LY6G5C: variants seen among roughly 807,000 people sequenced by gnomAD.
LY6G5C encodes the protein lymphocyte antigen 6 family member G5C.
Under a neutral mutation model 10.5 loss-of-function variants are expected in LY6G5C, and 6 were observed. The ratio of observed to expected loss-of-function variants is 0.57; its 90% CI spans 0.31 to 1.12. LY6G5C has a LOEUF of 1.12. Ranked by LOEUF, LY6G5C falls within the 50% of genes most tolerant of loss-of-function variation. The probability of loss-of-function intolerance (pLI) is 0.05; values close to 1 mark genes in which losing one functional copy is unlikely to be tolerated. For synonymous variants in LY6G5C, 69 were observed against 67.8 expected, an observed-to-expected ratio of 1.02 and a Z score of -0.09; for missense variants, 160 against 185.5, an observed-to-expected ratio of 0.86 and a Z score of 0.80.
chr6:31,678,262 G>A (rs1346957221), intron 2 of LY6G5C, among the ~76,000 whole-genome samples: 3 of 152,182 alleles, frequency 2.0e-5, no homozygotes, highest in Non-Finnish European at 2.9e-5. Context: ...AATTTTCAGC[G>A]AGGGAGATGT....
chr6:31,680,360 G>GC lies in LY6G5C; in HGVS notation c.13dup (p.Ala5GlyfsTer38). The stretch of plus-strand genomic sequence containing the variant: ...CAGACTCTGGCTCCCTGCAGGGCCT[G>GC]CCATAAAACGCATGACTGCCTGCTG... On this transcript the variant is annotated frameshift_variant, in exon 1 of 3. Transcript: ENST00000383237. LOFTEE classifies it high-confidence loss of function. This position sits in a 1 kb window ranked among gnomAD's most constrained non-coding sequence, Gnocchi z 4.5. 1.2e-6 allele frequency: 2 copies of GC among 1,609,078 alleles called. No homozygotes were observed. The highest frequency in any genetic ancestry group is 1.7e-6 in the Non-Finnish European group (2 of 1,178,572).
chr6:31,677,194 C>A, intron 2 of LY6G5C, 74 bp from the exon 3 acceptor site: 1 of 1,395,606 alleles, frequency 7.2e-7, no homozygotes, highest in Non-Finnish European at 9.8e-7. Flanking sequence ...TCCCCACACT[C>A]ATAAGTCAAA....
chr6:31,677,096 C>T (rs1392195261), exon 3 of LY6G5C: 4 of 1,612,894 alleles, frequency 2.5e-6, no homozygotes, highest in East Asian at 2.2e-5. Context: ...TCGGCAGTCA[C>T]TCACCATGAC....
At chr6:31,678,556 C>T (rs1404549786) in intron 2 of LY6G5C, among the ~76,000 whole-genome samples, 2 of 152,174 alleles carry the variant, frequency 1.3e-5, no homozygotes, top group Non-Finnish European at 2.9e-5. Flanking sequence ...AGCTTGAGGA[C>T]AGGCAAGGGC....
chr6:31,680,756 C>T (rs1802844091), upstream of LY6G5C, among the ~76,000 whole-genome samples: 1 of 152,136 alleles, frequency 6.6e-6, no homozygotes, highest in African/African-American at 2.4e-5. The surrounding 1 kb of genome is among the most constrained non-coding windows in gnomAD (Gnocchi z 4.5). Flanking sequence ...AACCACTGAC[C>T]AGAGGGATTT....
At chr6:31,678,433 T>C (rs1213778973) in intron 2 of LY6G5C, among the ~76,000 whole-genome samples, 1 of 152,110 alleles carries the variant, frequency 6.6e-6, no homozygotes, top group Non-Finnish European at 1.5e-5. Flanking sequence ...TTGGTGAACA[T>C]GAACCACTAA....
intron 2 of LY6G5C, among the ~76,000 whole-genome samples, chr6:31,677,950 C>T (rs1802673727): frequency 6.6e-6 from 1 of 152,132 alleles, no homozygotes; most frequent in South Asian, 2.1e-4. Context: ...TGACCCACAT[C>T]TGTGCATCGG....
chr6:31,678,693 G>A (rs1008068395), intron 2 of LY6G5C, among the ~76,000 whole-genome samples: 3 of 152,150 alleles, frequency 2.0e-5, no homozygotes, highest in African/African-American at 7.2e-5. Flanking sequence ...GAAAAGGGAA[G>A]AGAGGCTGGG....
At position 31,680,103 on chromosome 6, in the gene LY6G5C, A is replaced by C. The variant is rs188666442; in HGVS notation, c.121+150T>G. On this transcript the variant is annotated intron_variant, in intron 1 of 2. Coordinates refer to ENST00000383237, the Ensembl canonical transcript of LY6G5C. This position sits in a 1 kb window ranked among gnomAD's most constrained non-coding sequence, Gnocchi z 4.5. ...TCTTCAGATTGCACATCAGTCCATGAGCAGGCATTCCCTACCAAACCCATC... is the reference window on the plus strand; with the variant it reads ...TCTTCAGATTGCACATCAGTCCATGCGCAGGCATTCCCTACCAAACCCATC... 21 of 797,514 alleles carry C rather than the reference A, an allele frequency of 2.6e-5. No individual in the cohort carries two copies. The African/African-American group carries it at 3.6e-4, about 14-fold the overall frequency. 49.4% of individuals were successfully genotyped at this position (797,514 alleles called of 1,614,324 possible).
rs1381479193 is a variant in LY6G5C, at chr6:31,679,428, A to G, written c.122-160T>C. 13 of 724,106 alleles carry G rather than the reference A, an allele frequency of 1.8e-5. No homozygotes were observed. The Admixed American group carries it at 2.9e-4, about 16-fold the overall frequency. 44.9% of individuals were successfully genotyped at this position (724,106 alleles called of 1,614,324 possible). ...TGCTTCCTTCCCCAACTGCATACACATACATCCCCCTTTTCCTCTGGTCCT... is the reference window on the plus strand; with the variant it reads ...TGCTTCCTTCCCCAACTGCATACACGTACATCCCCCTTTTCCTCTGGTCCT... On this transcript the variant is annotated intron_variant, in intron 1 of 2. Coordinates refer to ENST00000383237, the Ensembl canonical transcript of LY6G5C. This position sits in a 1 kb window ranked among gnomAD's most constrained non-coding sequence, Gnocchi z 4.4.
At position 31,679,984 on chromosome 6, in the gene LY6G5C, T is replaced by G; in HGVS notation, c.121+269A>C. 1 of 313,100 alleles carries G rather than the reference T, an allele frequency of 3.2e-6. No homozygotes were observed. Among genetic ancestry groups the G allele is most frequent in the East Asian group, 6.7e-5 (1 of 14,900 alleles). The allele number at this position is 313,100 out of a possible 1,614,324, so 19.4% of individuals were successfully genotyped here. ...ATCGCTTGAACCCGGGAGGTGGAGG[T>G]TGCAGTGAGCCGAGATCTCGCCACT... On this transcript the variant is annotated intron_variant, in intron 1 of 2. Transcript: ENST00000383237. The surrounding 1 kb of genome is among the most constrained non-coding windows in gnomAD (Gnocchi z 4.4).
chr6:31,677,126 G>A lies in LY6G5C; in HGVS notation c.290-6C>T. The A allele has an allele frequency of 6.2e-7, 1 of 1,612,138 alleles. No homozygotes were observed. The highest frequency in any genetic ancestry group is 1.3e-5 in the African/African-American group (1 of 74,990). Reference sequence around the variant, plus strand: ...CATGACGTCAGAACCGCTGCCTGGGGAGGGACAGTGGGCACCAGTGATACG... The same window carrying A: ...CATGACGTCAGAACCGCTGCCTGGGAAGGGACAGTGGGCACCAGTGATACG... On this transcript the variant is annotated splice_polypyrimidine_tract_variant and splice_region_variant and intron_variant, in intron 2 of 2. Transcript: ENST00000383237.
At position 31,677,077 on chromosome 6, in the gene LY6G5C, C is replaced by CT; in HGVS notation, c.332dup (p.Gln112AlafsTer4). 2 of 1,613,006 alleles carry CT rather than the reference C, an allele frequency of 1.2e-6. No homozygotes were observed. The highest frequency in any genetic ancestry group is 1.7e-6 in the Non-Finnish European group (2 of 1,180,036). On this transcript the variant is annotated frameshift_variant, in exon 3 of 3. Transcript: ENST00000383237. LOFTEE classifies it low-confidence loss of function (END_TRUNC). ...GGGTATTTGAACAATCACTCATCTG[C>CT]TCCTTACTTCGGCAGTCACTCACCA...
chr6:31,676,841 G>C, exon 3 of LY6G5C: 1 of 983,854 alleles, frequency 1.0e-6, no homozygotes, highest in Non-Finnish European at 1.6e-6. Context: ...CCAGTGGCTG[G>C]AGGGAGGCAA....
At chr6:31,678,936 C>T (rs989412619) in intron 2 of LY6G5C, among the ~76,000 whole-genome samples, 165 bp downstream of exon 2, 14 of 151,148 alleles carry the variant, frequency 9.3e-5, no homozygotes, top group Admixed American at 2.6e-4. Flanking sequence ...GCCAAGATTG[C>T]GCCACTGCAC....
rs748406046 is a variant in LY6G5C, at chr6:31,679,240, G to A, written c.150C>T (p.Pro50=). ...ATTTGGGGAATGGAAGTGGTTGAGGGGGTTCCCAATTGACAGGAACAAACT... is the reference window on the plus strand; with the variant it reads ...ATTTGGGGAATGGAAGTGGTTGAGGAGGTTCCCAATTGACAGGAACAAACT... The change falls in exon 2 of 3, where the codon CCC becomes CCT. Residue 50 remains proline, a synonymous_variant. Transcript: ENST00000383237. This position sits in a 1 kb window ranked among gnomAD's most constrained non-coding sequence, Gnocchi z 4.4. 30 of 1,612,724 alleles carry A rather than the reference G, an allele frequency of 1.9e-5. No individual in the cohort carries two copies. Among genetic ancestry groups the A allele is most frequent in the Non-Finnish European group, 2.5e-5 (29 of 1,179,970 alleles).
chr6:31,679,496 CA>C lies in LY6G5C; in HGVS notation c.122-229del. 1 of 588,536 alleles carries C rather than the reference CA, an allele frequency of 1.7e-6. No individual in the cohort carries two copies. The highest frequency in any genetic ancestry group is 3.0e-6 in the Non-Finnish European group (1 of 330,010). 36.5% of individuals were successfully genotyped at this position (588,536 alleles called of 1,614,324 possible). A position where few individuals can be genotyped will look rare whatever the true frequency, so the allele number is the denominator to read the frequency against. ...TAACAAATCCCCAGACCCAGCAGAGCACTTGGTGTTAGGCAGAGGAAAGTGC... is the reference window on the plus strand; with the variant it reads ...TAACAAATCCCCAGACCCAGCAGAGCCTTGGTGTTAGGCAGAGGAAAGTGC... On this transcript the variant is annotated intron_variant, in intron 1 of 2. Transcript: ENST00000383237. This position sits in a 1 kb window ranked among gnomAD's most constrained non-coding sequence, Gnocchi z 4.4.
chr6:31,677,326 T>A (rs1057330367), intron 2 of LY6G5C, among the ~76,000 whole-genome samples: 3 of 152,130 alleles, frequency 2.0e-5, no homozygotes, highest in Non-Finnish European at 4.4e-5. Flanking sequence ...ATATGAAATG[T>A]AATGGTTGGA....
At position 31,680,201 on chromosome 6, in the gene LY6G5C, G is replaced by C. The variant is rs745868156; in HGVS notation, c.121+52C>G. 5 of 1,611,040 alleles carry C rather than the reference G, an allele frequency of 3.1e-6. No individual in the cohort carries two copies. Among genetic ancestry groups the C allele is most frequent in the Non-Finnish European group, 4.2e-6 (5 of 1,178,498 alleles). The stretch of plus-strand genomic sequence containing the variant: ...GTGTACCCAGACACTTGGTGTCTGT[G>C]GGTTTCTCCATCCAGGCCAGGAGAC... On this transcript the variant is annotated intron_variant, in intron 1 of 2. Coordinates refer to ENST00000383237, the Ensembl canonical transcript of LY6G5C. The surrounding 1 kb of genome is among the most constrained non-coding windows in gnomAD (Gnocchi z 4.5).
Sources: gnomAD v4.1 joint callset for allele counts (sites outside exome capture counted in the v4.1 genomes callset) on GRCh38, gnomAD v4.1.1 for gene constraint, Gnocchi (gnomAD v3.1) non-coding constraint, MANE v1.5 for transcripts, NCBI Gene and HGNC (gene_info 2026-07-23, HGNC 2026-07-21) for gene names.